The following LTBP1 variants were observed in gnomAD, a reference collection of about 807,000 sequenced individuals.
LTBP1 encodes the protein latent-transforming growth factor beta-binding protein 1.
Under a neutral mutation model 207.6 loss-of-function variants are expected in LTBP1, and 129 were observed. That is an observed-to-expected ratio of 0.62 (90% CI 0.54 to 0.72). The LOEUF is 0.72. Ranked by LOEUF, LTBP1 falls within the 30% of genes least tolerant of loss-of-function variation. The pLI, the probability that LTBP1 is intolerant of heterozygous loss-of-function variation, is 0.00. For synonymous variants in LTBP1, 963 were observed against 833.7 expected, an observed-to-expected ratio of 1.16 and a Z score of -2.67; for missense variants, 2,281 against 2,217.2, an observed-to-expected ratio of 1.03 and a Z score of -0.58.
intron 7 of LTBP1, among the ~76,000 whole-genome samples, chr2:33,205,282 A>G (rs935200614): frequency 4.6e-5 from 7 of 152,188 alleles, no homozygotes; most frequent in Non-Finnish European, 1.0e-4. Context: ...TAATCAGACA[A>G]TTTTAAATTT....
intron 10 of LTBP1, among the ~76,000 whole-genome samples, chr2:33,248,100 C>T (rs1282525703): frequency 6.6e-6 from 1 of 152,240 alleles, no homozygotes; most frequent in East Asian, 1.9e-4. Flanking sequence ...TAGCCTCCCT[C>T]ACTTGGAGGT....
chr2:33,216,047 G>A (rs1350525081), intron 7 of LTBP1, among the ~76,000 whole-genome samples: 1 of 152,120 alleles, frequency 6.6e-6, no homozygotes, highest in Non-Finnish European at 1.5e-5. Context: ...TTGCTTGCCT[G>A]GATGGCCTAC....
At chr2:33,351,383 C>T (rs957845168) in intron 26 of LTBP1, among the ~76,000 whole-genome samples, 7 of 152,240 alleles carry the variant, frequency 4.6e-5, no homozygotes, top group Admixed American at 6.5e-5. Context: ...AATTTTAGGG[C>T]TGAGGACAAC....
chr2:33,203,364 A>G (rs1376242779), intron 7 of LTBP1, among the ~76,000 whole-genome samples: 1 of 152,126 alleles, frequency 6.6e-6, no homozygotes, highest in Non-Finnish European at 1.5e-5. Flanking sequence ...CTGCCAGTGG[A>G]GAGGAGAACT....
At chr2:33,066,893 T>A (rs562343947) in intron 3 of LTBP1, among the ~76,000 whole-genome samples, 90 of 152,242 alleles carry the variant, frequency 5.9e-4, no homozygotes, top group African/African-American at 2.1e-3. Context: ...AAAACAAAAT[T>A]GTTTAAGACT....
chr2:33,101,492 G>C (rs946310505), intron 3 of LTBP1, among the ~76,000 whole-genome samples: 9 of 152,258 alleles, frequency 5.9e-5, no homozygotes, highest in Non-Finnish European at 1.0e-4. Context: ...CATTAACTTT[G>C]TGAGGCGATG....
At chr2:33,309,073 C>T (rs903477748) in intron 22 of LTBP1, among the ~76,000 whole-genome samples, 3 of 151,584 alleles carry the variant, frequency 2.0e-5, no homozygotes, top group Non-Finnish European at 2.9e-5. Context: ...ACTTGAGGTC[C>T]GGAGTTGAAG....
intron 3 of LTBP1, among the ~76,000 whole-genome samples, chr2:33,048,269 C>T (rs1391344100): frequency 6.6e-6 from 1 of 152,104 alleles, no homozygotes; most frequent in Non-Finnish European, 1.5e-5. Flanking sequence ...GTAACTGAAC[C>T]CATTCCTTAG....
Position 33,329,443 on chromosome 2 carries a change from AT to A in LTBP1, c.3731-13389del, listed in dbSNP as rs371736884. On this transcript the variant is annotated intron_variant, in intron 24 of 33. Coordinates refer to ENST00000404816, the MANE Select transcript of LTBP1 (RefSeq NM_206943.4). ...TTTAATTGTTTTATTTCAGATCAGT[AT>A]TTTTTATGTCCAGAATCTTTGCAAA... 6.2e-4 allele frequency among the ~76,000 whole-genome samples: 94 copies of A among 152,232 alleles called. 3 individuals carry two copies. In the East Asian group the frequency reaches 0.013, roughly 20 times the overall value.
intron 3 of LTBP1, chr2:33,063,111 A>G (rs186442110): frequency 2.0e-5 from 3 of 152,366 alleles, no homozygotes; most frequent in East Asian, 1.9e-4. Flanking sequence ...TAAGTCTTCA[A>G]ATCAAGTTGT....
intron 22 of LTBP1, among the ~76,000 whole-genome samples, chr2:33,302,972 CACACACACACACAA>C (rs1227454397): frequency 5.2e-4 from 79 of 151,044 alleles, no homozygotes; most frequent in African/African-American, 1.9e-3. Context: ...CACACACACA[CACACACACACACAA>C]ACACACACAA....
At chr2:32,955,383 C>T (rs755969229) in intron 2 of LTBP1, among the ~76,000 whole-genome samples, 1 of 152,164 alleles carries the variant, frequency 6.6e-6, no homozygotes, top group Non-Finnish European at 1.5e-5. Context: ...TTTGGGAGAG[C>T]TGGAAATTTG....
intron 31 of LTBP1, among the ~76,000 whole-genome samples, chr2:33,382,312 C>A (rs1014211330): frequency 1.3e-5 from 2 of 151,958 alleles, no homozygotes; most frequent in Non-Finnish European, 2.9e-5. Context: ...TCAGGCTGCT[C>A]TCGAACTCCT....
chr2:33,122,538 G>A (rs2081197207), intron 4 of LTBP1, among the ~76,000 whole-genome samples: 1 of 152,172 alleles, frequency 6.6e-6, no homozygotes, highest in Non-Finnish European at 1.5e-5. Flanking sequence ...TGATGTTGAC[G>A]AAATTAGATT....
intron 10 of LTBP1, among the ~76,000 whole-genome samples, 172 bp downstream of exon 10, chr2:33,243,956 A>G (rs1320955109): frequency 2.0e-5 from 3 of 152,218 alleles, no homozygotes; most frequent in Admixed American, 6.5e-5. Context: ...AATTGATATC[A>G]TGGAACCTTC....
At chr2:33,015,442 A>C (rs559119420) in intron 2 of LTBP1, among the ~76,000 whole-genome samples, 1 of 152,202 alleles carries the variant, frequency 6.6e-6, no homozygotes, top group Non-Finnish European at 1.5e-5. Flanking sequence ...CTCTATGTTT[A>C]TATCAGTCAG....
At chr2:33,148,066 A>T (rs905907382) in intron 5 of LTBP1, among the ~76,000 whole-genome samples, 1 of 152,180 alleles carries the variant, frequency 6.6e-6, no homozygotes, top group Non-Finnish European at 1.5e-5. Flanking sequence ...GCAAAACATT[A>T]CCAGCTGCCA....
rs997252720 is a variant in LTBP1 at position 33,105,240 on chromosome 2, A to T, written c.864-5342A>T. On this transcript the variant is annotated intron_variant, in intron 3 of 33. Transcript: ENST00000404816. The stretch of plus-strand genomic sequence containing the variant: ...TCCCAGTAAAGCAAGTCACATGAAT[A>T]TTTTGGTTTCCAAGTACATGTAAAA... 5.3e-5 allele frequency among the ~76,000 whole-genome samples: 8 copies of T among 152,338 alleles called. No individual in the cohort carries two copies. The South Asian group carries it at 1.7e-3, about 32-fold the overall frequency.
chr2:33,047,890 A>T (rs1357833314), intron 3 of LTBP1, among the ~76,000 whole-genome samples: 6 of 150,776 alleles, frequency 4.0e-5, no homozygotes, highest in Admixed American at 3.9e-4. Flanking sequence ...GTCTTTTTTG[A>T]TCTTTGTTGG....
Sources: allele counts gnomAD v4.1 joint callset (sites outside exome capture counted in the v4.1 genomes callset), GRCh38; gene constraint gnomAD v4.1.1; transcripts MANE v1.5; gene names NCBI Gene and HGNC (gene_info 2026-07-23, HGNC 2026-07-21).